The following ZNF431 variants were observed in gnomAD, a reference collection of about 807,000 sequenced individuals.
The protein encoded by ZNF431 is zinc finger protein 431.
In ZNF431, 34 loss-of-function variants were observed where a neutral mutation model predicts 57.0. The observed-to-expected ratio is 0.60, with a 90% CI of 0.45 to 0.79. The LOEUF (loss-of-function observed/expected upper bound fraction) is 0.79, where lower values mean the gene tolerates loss of function less well. Among genes scored for constraint, ZNF431 ranks in the 30% least tolerant of loss-of-function variants. The pLI, the probability that ZNF431 is intolerant of heterozygous loss-of-function variation, is 0.00. For synonymous variants in ZNF431, 207 were observed against 220.3 expected, an observed-to-expected ratio of 0.94 and a Z score of 0.54; for missense variants, 607 against 667.1, an observed-to-expected ratio of 0.91 and a Z score of 0.99.
chr19:21,145,430 T>A (rs1260948058), intron 2 of ZNF431, among the ~76,000 whole-genome samples: 5 of 152,094 alleles, frequency 3.3e-5, no homozygotes. Flanking sequence ...TGAGCCAAGA[T>A]CGCGCCACTG....
Position 21,142,277 on chromosome 19 carries a change from A to G in ZNF431, c.3+91A>G, listed in dbSNP as rs1242902022. 6.4e-6 allele frequency: 10 copies of G among 1,564,200 alleles called. No individual in the cohort carries two copies. In the Middle Eastern group the frequency reaches 5.0e-4, roughly 79 times the overall value. On this transcript the variant is annotated intron_variant, in intron 1 of 4. Transcript: ENST00000311048. Reference sequence around the variant, plus strand: ...TGTGGCGGGACTCAGGCCTCCCCGCAGTCAGCTCCACAGTCTGCGCCCCGA... The same window carrying G: ...TGTGGCGGGACTCAGGCCTCCCCGCGGTCAGCTCCACAGTCTGCGCCCCGA...
At chr19:21,151,286 C>T (rs1970265777) in intron 2 of ZNF431, 1 of 152,128 alleles carries the variant, frequency 6.6e-6, no homozygotes, top group South Asian at 2.1e-4. Flanking sequence ...TATCTCCTGA[C>T]CTTGTGATCA....
Position 21,142,061 on chromosome 19 carries a change from T to A in ZNF431, c.-123T>A. The A allele has an allele frequency of 7.6e-7, 1 of 1,324,350 alleles. No homozygotes were observed. Among genetic ancestry groups the A allele is most frequent in the South Asian group, 1.3e-5 (1 of 79,750 alleles). 82.0% of individuals were successfully genotyped at this position (1,324,350 alleles called of 1,614,324 possible). A position where few individuals can be genotyped will look rare whatever the true frequency, so the allele number is the denominator to read the frequency against. On this transcript the variant is annotated 5_prime_UTR_variant, in exon 1 of 5. Transcript: ENST00000311048. ...CTTTGTCTCTCGCCGCAGCCTGAGC[T>A]CCAGGTCTCCCCTTCGCTGCTCTGT...
rs1971341331 is a variant in ZNF431 at position 21,185,326 on chromosome 19, G to C, written c.*1292G>C. On this transcript the variant is annotated 3_prime_UTR_variant, in exon 5 of 5. Coordinates refer to ENST00000311048, the MANE Select transcript of ZNF431 (RefSeq NM_133473.4). ...ACTTTATTTCTTGAAAAATATTACAGATTTTTTGAAAATTGAATAATGTCA... is the reference window on the plus strand; with the variant it reads ...ACTTTATTTCTTGAAAAATATTACACATTTTTTGAAAATTGAATAATGTCA... 1.3e-5 allele frequency: 2 copies of C among 152,090 alleles called. No individual in the cohort carries two copies. The highest frequency in any genetic ancestry group is 4.1e-4 in the South Asian group (2 of 4,836). 9.4% of individuals were successfully genotyped at this position (152,090 alleles called of 1,614,324 possible). A position where few individuals can be genotyped will look rare whatever the true frequency, so the allele number is the denominator to read the frequency against.
intron 2 of ZNF431, among the ~76,000 whole-genome samples, chr19:21,148,990 C>T (rs1439915314): frequency 2.0e-5 from 3 of 152,154 alleles, no homozygotes; most frequent in Non-Finnish European, 4.4e-5. Context: ...TACAACATTT[C>T]TTGCATAAAT....
intron 4 of ZNF431, among the ~76,000 whole-genome samples, chr19:21,177,103 C>T (rs1971077523): frequency 6.6e-6 from 1 of 152,218 alleles, no homozygotes; most frequent in Admixed American, 6.5e-5. Context: ...GAAATCTTTG[C>T]CCATGCCTAT....
At position 21,156,309 on chromosome 19, in the gene ZNF431, T is replaced by A. The variant is rs139601443; in HGVS notation, c.97-10026T>A. Among the ~76,000 whole-genome samples, 329 of 152,206 alleles carry A rather than the reference T, an allele frequency of 2.2e-3. 2 individuals are homozygous for A. The highest frequency in any genetic ancestry group is 7.4e-3 in the African/African-American group (309 of 41,526). ...GAGTCCAGCCCCACCTGGGCCACCA[T>A]CTGTAGAACAAACAACTCCTTGCAC... On this transcript the variant is annotated intron_variant, in intron 2 of 4. Coordinates refer to ENST00000311048, the MANE Select transcript of ZNF431 (RefSeq NM_133473.4).
At chr19:21,156,043 A>T (rs1260253450) in intron 2 of ZNF431, among the ~76,000 whole-genome samples, 1 of 152,240 alleles carries the variant, frequency 6.6e-6, no homozygotes, top group East Asian at 1.9e-4. Flanking sequence ...AAATATGCCC[A>T]CTAGACATTG....
At chr19:21,146,278 T>A (rs1033939594) in intron 2 of ZNF431, among the ~76,000 whole-genome samples, 1 of 151,830 alleles carries the variant, frequency 6.6e-6, no homozygotes, top group South Asian at 2.1e-4. Context: ...GGCTTGGTGG[T>A]GCACACCTGT....
chr19:21,152,312 C>T (rs1415047152), intron 2 of ZNF431, among the ~76,000 whole-genome samples: 1 of 152,170 alleles, frequency 6.6e-6, no homozygotes, highest in Non-Finnish European at 1.5e-5. Context: ...GAAAGACCTA[C>T]TCATTGCAGC....
chr19:21,190,225 A>G lies in ZNF431; in HGVS notation c.*6191A>G, dbSNP rs1971479288. ...AATAATAAATAGTATTCCATTATGT[A>G]TATCAACCACATTGTCTTTATTTAC... On this transcript the variant is annotated 3_prime_UTR_variant, in exon 5 of 5. Coordinates refer to ENST00000311048, the MANE Select transcript of ZNF431 (RefSeq NM_133473.4). The G allele has an allele frequency of 4.8e-6, 1 of 209,132 alleles. No homozygotes were observed. The highest frequency in any genetic ancestry group is 9.4e-6 in the Non-Finnish European group (1 of 106,280). The allele number at this position is 209,132 out of a possible 1,614,324, so 13.0% of individuals were successfully genotyped here. A position where few individuals can be genotyped will look rare whatever the true frequency, so the allele number is the denominator to read the frequency against.
intron 4 of ZNF431, among the ~76,000 whole-genome samples, chr19:21,182,354 ACTTTT>A: frequency 6.6e-6 from 1 of 152,296 alleles, no homozygotes; most frequent in Non-Finnish European, 1.5e-5. Flanking sequence ...AATGTAACAG[ACTTTT>A]CTTTTTCTTC....
intron 4 of ZNF431, among the ~76,000 whole-genome samples, chr19:21,180,266 T>C (rs1971173137): frequency 6.6e-6 from 1 of 152,230 alleles, no homozygotes; most frequent in Admixed American, 6.5e-5. Flanking sequence ...AGTTGTTTTA[T>C]AGCATAATTG....
chr19:21,171,712 A>T (rs1243841794), intron 4 of ZNF431, among the ~76,000 whole-genome samples: 2 of 90,904 alleles, frequency 2.2e-5, no homozygotes, highest in African/African-American at 9.1e-5. Flanking sequence ...ATATATATAT[A>T]TTTTTTTTTT....
In ZNF431 at chr19:21,189,062, G is replaced by A. The variant is rs907137906; in HGVS notation, c.*5028G>A. On this transcript the variant is annotated 3_prime_UTR_variant, in exon 5 of 5. Transcript: ENST00000311048. ...AGATTATCACAAAGACACAGTATTTGACACATTGTTATTCTTCTATGTTTT... is the reference window on the plus strand; with the variant it reads ...AGATTATCACAAAGACACAGTATTTAACACATTGTTATTCTTCTATGTTTT... 6.6e-6 allele frequency: 1 copy of A among 152,118 alleles called. No individual in the cohort carries two copies. Among genetic ancestry groups the A allele is most frequent in the Non-Finnish European group, 1.5e-5 (1 of 68,026 alleles). 9.4% of individuals were successfully genotyped at this position (152,118 alleles called of 1,614,324 possible). A position where few individuals can be genotyped will look rare whatever the true frequency, so the allele number is the denominator to read the frequency against.
rs1043742233 is a variant in ZNF431, at chr19:21,193,096, C to CT, written c.*9063dup. The CT allele has an allele frequency of 1.3e-5, 2 of 152,158 alleles. No homozygotes were observed. Among genetic ancestry groups the CT allele is most frequent in the African/African-American group, 4.8e-5 (2 of 41,410 alleles). 9.4% of individuals were successfully genotyped at this position (152,158 alleles called of 1,614,324 possible). On this transcript the variant is annotated 3_prime_UTR_variant, in exon 5 of 5. Transcript: ENST00000311048. ...ATTAATAATTTAAAAAACCTACCAA[C>CT]TATAAGGAGCCCTGGATTATATAAA...
chr19:21,162,348 A>G (rs1164537147), intron 2 of ZNF431, among the ~76,000 whole-genome samples: 2 of 151,906 alleles, frequency 1.3e-5, no homozygotes, highest in African/African-American at 2.4e-5. Context: ...TAATTTTTGT[A>G]TATTTAGTAG....
At chr19:21,167,708 T>G in intron 4 of ZNF431, 42 bp downstream of exon 4, 1 of 1,396,850 alleles carries the variant, frequency 7.2e-7, no homozygotes, top group Non-Finnish European at 9.6e-7. Context: ...AGATGAGAGG[T>G]CCAAAGCTTA....
At chr19:21,167,148 G>T (rs1184535179) in intron 3 of ZNF431, among the ~76,000 whole-genome samples, 1 of 151,702 alleles carries the variant, frequency 6.6e-6, no homozygotes. Context: ...GTGAGCCACT[G>T]CGCCTGGCTA....
Sources: allele counts gnomAD v4.1 joint callset (sites outside exome capture counted in the v4.1 genomes callset), GRCh38; gene constraint gnomAD v4.1.1; transcripts MANE v1.5; gene names NCBI Gene and HGNC (gene_info 2026-07-23, HGNC 2026-07-21).